Variants in SLC60A2 observed in about 807,000 individuals in gnomAD.
SLC60A2 encodes the protein solute carrier family 60 member 2, also known as major facilitator superfamily domain containing 4B.
chr6:111,267,436 C>G, the SLC60A2 span: 3 of 224,268 alleles, frequency 1.3e-5, no homozygotes, highest in African/African-American at 6.8e-5. Flanking sequence ...GGGGTATTCT[C>G]AGAATGAGAC....
chr6:111,266,528 C>T, the SLC60A2 span: 11 of 1,614,076 alleles, frequency 6.8e-6, no homozygotes, highest in African/African-American at 1.3e-5. Context: ...CAATTTGTCT[C>T]TGGATAGCAA....
chr6:111,277,107 C>T, the SLC60A2 span, among the ~76,000 whole-genome samples: 1 of 152,228 alleles, frequency 6.6e-6, no homozygotes, highest in Admixed American at 6.5e-5. Flanking sequence ...CTCCTACTCC[C>T]ACCACTCTGC....
chr6:111,268,635 C>G, the SLC60A2 span: 1 of 152,150 alleles, frequency 6.6e-6, no homozygotes, highest in Non-Finnish European at 1.5e-5. Context: ...CTTTGCCTAC[C>G]TCAGTAACAG....
the SLC60A2 span, chr6:111,266,835 C>A: frequency 6.2e-7 from 1 of 1,613,852 alleles, no homozygotes; most frequent in South Asian, 1.1e-5. Context: ...GAGTGAGGAC[C>A]AGAAAGCTCT....
chr6:111,266,231 A>G, the SLC60A2 span: 2 of 1,614,126 alleles, frequency 1.2e-6, no homozygotes, highest in Non-Finnish European at 1.7e-6. Context: ...CATTTCGAAG[A>G]GCAAAATATC....
chr6:111,266,215 C>A, the SLC60A2 span: 4 of 1,613,868 alleles, frequency 2.5e-6, no homozygotes, highest in Non-Finnish European at 2.5e-6. Context: ...AGAGCATCTG[C>A]TGAGACATTT....
chr6:111,260,057 C>T, the SLC60A2 span, among the ~76,000 whole-genome samples: 1 of 152,052 alleles, frequency 6.6e-6, no homozygotes, highest in Non-Finnish European at 1.5e-5. Context: ...ATTACAGGCG[C>T]CTGCCACTAA....
chr6:111,266,463 A>AGCAACATT, the SLC60A2 span: 1 of 1,614,162 alleles, frequency 6.2e-7, no homozygotes, highest in African/African-American at 1.3e-5. Context: ...GATTGTGTTG[A>AGCAACATT]GCAACATTGG....
chr6:111,266,842 C>G, the SLC60A2 span: 3 of 1,613,898 alleles, frequency 1.9e-6, no homozygotes, highest in East Asian at 2.2e-5. Flanking sequence ...GACCAGAAAG[C>G]TCTGCTCTCT....
chr6:111,277,921 T>C, the SLC60A2 span: 1 of 152,188 alleles, frequency 6.6e-6, no homozygotes, highest in African/African-American at 2.4e-5. Flanking sequence ...TCAAACTAGA[T>C]CTTGGATTAC....
At chr6:111,259,401 G>A in the SLC60A2 span, 1 of 386,100 alleles carries the variant, frequency 2.6e-6, no homozygotes, top group East Asian at 3.8e-5. Flanking sequence ...TCTCTGCCCC[G>A]GTTCCGGGCG....
chr6:111,273,010 T>G, the SLC60A2 span, among the ~76,000 whole-genome samples: 1 of 152,010 alleles, frequency 6.6e-6, no homozygotes. Context: ...TTTGTGTTTT[T>G]AGTAGAGACG....
the SLC60A2 span, chr6:111,266,939 G>A: frequency 1.9e-5 from 31 of 1,613,894 alleles, no homozygotes; most frequent in East Asian, 4.5e-5. Flanking sequence ...TGATTGAAAC[G>A]AATGATACAA....
chr6:111,272,010 G>C, the SLC60A2 span, among the ~76,000 whole-genome samples: 1 of 151,964 alleles, frequency 6.6e-6, no homozygotes, highest in Non-Finnish European at 1.5e-5. Flanking sequence ...ATGGCAATGT[G>C]TCACTCAGTC....
chr6:111,266,525 T>C, the SLC60A2 span: 1 of 1,614,218 alleles, frequency 6.2e-7, no homozygotes, highest in South Asian at 1.1e-5. Context: ...ACCCAATTTG[T>C]CTCTGGATAG....
chr6:111,259,969 G>T, the SLC60A2 span, among the ~76,000 whole-genome samples: 1 of 142,640 alleles, frequency 7.0e-6, no homozygotes, highest in African/African-American at 2.6e-5. Flanking sequence ...GGAGTGCAGT[G>T]GTGCGATCTC....
At chr6:111,274,571 T>G in the SLC60A2 span, among the ~76,000 whole-genome samples, 2 of 149,004 alleles carry the variant, frequency 1.3e-5, no homozygotes, top group Admixed American at 1.4e-4. Context: ...AGTTGTTTTC[T>G]GATTGCTTTG....
the SLC60A2 span, among the ~76,000 whole-genome samples, chr6:111,272,177 A>G: frequency 6.6e-6 from 1 of 151,826 alleles, no homozygotes; most frequent in South Asian, 2.1e-4. Context: ...TAATTTTTGT[A>G]TTTTTTGTAG....
chr6:111,279,265 CT>C, the SLC60A2 span, among the ~76,000 whole-genome samples: 370 of 135,434 alleles, frequency 2.7e-3, no homozygotes, highest in Admixed American at 2.8e-3. Flanking sequence ...TTCTTTCTTT[CT>C]TTTTTTTTTT....
Sources: gnomAD v4.1 joint callset for allele counts (sites outside exome capture counted in the v4.1 genomes callset) on GRCh38, gnomAD v4.1.1 for gene constraint, MANE v1.5 for transcripts, NCBI Gene and HGNC (gene_info 2026-07-23, HGNC 2026-07-21) for gene names.